The following PABPC4L variants were observed in gnomAD, a reference collection of about 807,000 sequenced individuals.
PABPC4L encodes the protein poly(A) binding protein cytoplasmic 4 like.
For missense variants in PABPC4L, 452 were observed against 451.4 expected (o/e 1.00, Z -0.01); for synonymous variants, 169 against 164.1 (o/e 1.03, Z -0.23).
the PABPC4L span, among the ~76,000 whole-genome samples, chr4:133,992,547 G>A: frequency 6.6e-6 from 1 of 152,056 alleles, no homozygotes; most frequent in Non-Finnish European, 1.5e-5. Flanking sequence ...TCATTAATGA[G>A]GGACCCCATT....
the PABPC4L span, among the ~76,000 whole-genome samples, chr4:134,183,999 C>A: frequency 6.6e-6 from 1 of 151,558 alleles, no homozygotes; most frequent in Non-Finnish European, 1.5e-5. Context: ...TTCATCATAT[C>A]TATGGATATT....
chr4:134,045,071 G>T, the PABPC4L span, among the ~76,000 whole-genome samples: 1 of 152,042 alleles, frequency 6.6e-6, no homozygotes, highest in Non-Finnish European at 1.5e-5. Flanking sequence ...TTGATCGCAA[G>T]AGGAAATTAA....
At chr4:134,070,423 G>T in the PABPC4L span, among the ~76,000 whole-genome samples, 2 of 152,092 alleles carry the variant, frequency 1.3e-5, no homozygotes, top group Non-Finnish European at 2.9e-5. Flanking sequence ...GAACTGGCCT[G>T]TGCAAGGCTG....
At chr4:134,152,649 A>G in the PABPC4L span, among the ~76,000 whole-genome samples, 1 of 152,050 alleles carries the variant, frequency 6.6e-6, no homozygotes, top group Non-Finnish European at 1.5e-5. Flanking sequence ...ACCTCTCCCC[A>G]TTGCCCAGTT....
the PABPC4L span, among the ~76,000 whole-genome samples, chr4:134,062,455 A>G: frequency 6.6e-6 from 1 of 152,034 alleles, no homozygotes; most frequent in Non-Finnish European, 1.5e-5. Context: ...AAGAAAGGCA[A>G]GTCTCTTATT....
chr4:133,994,418 A>G, the PABPC4L span, among the ~76,000 whole-genome samples: 1 of 152,160 alleles, frequency 6.6e-6, no homozygotes, highest in African/African-American at 2.4e-5. Context: ...CTGTCCCCAA[A>G]TATTAATGGG....
At chr4:134,052,168 A>G in the PABPC4L span, among the ~76,000 whole-genome samples, 3 of 152,090 alleles carry the variant, frequency 2.0e-5, no homozygotes, top group African/African-American at 7.2e-5. Flanking sequence ...CTTATGGGAT[A>G]CATCACCTCC....
chr4:134,104,802 C>T, the PABPC4L span, among the ~76,000 whole-genome samples: 1 of 151,650 alleles, frequency 6.6e-6, no homozygotes, highest in Admixed American at 6.6e-5. Context: ...TCAAATAAGT[C>T]AACATCTATG....
chr4:134,015,647 G>C, the PABPC4L span, among the ~76,000 whole-genome samples: 1 of 152,066 alleles, frequency 6.6e-6, no homozygotes, highest in Non-Finnish European at 1.5e-5. Context: ...GAGCGTGTCT[G>C]ACTAATCTCC....
the PABPC4L span, among the ~76,000 whole-genome samples, chr4:134,122,542 A>C: frequency 6.6e-6 from 1 of 152,020 alleles, no homozygotes; most frequent in South Asian, 2.1e-4. Flanking sequence ...GATCAAAAGA[A>C]GTAAGCATTT....
chr4:133,967,390 CAT>C, the PABPC4L span, among the ~76,000 whole-genome samples: 1 of 152,024 alleles, frequency 6.6e-6, no homozygotes, highest in East Asian at 1.9e-4. Flanking sequence ...AACAGATAAA[CAT>C]ATGAGTATGG....
the PABPC4L span, among the ~76,000 whole-genome samples, chr4:133,991,988 T>C: frequency 1.2e-3 from 184 of 152,302 alleles, 2 homozygotes; most frequent in African/African-American, 4.1e-3. Context: ...GGTCATAGTA[T>C]AGTTGTTACT....
the PABPC4L span, among the ~76,000 whole-genome samples, chr4:134,078,976 T>A: frequency 7.0e-6 from 1 of 142,526 alleles, no homozygotes; most frequent in Non-Finnish European, 1.5e-5. Context: ...GCTTTTTTTT[T>A]TTTTTTTTTT....
At chr4:133,968,521 C>A in the PABPC4L span, among the ~76,000 whole-genome samples, 1 of 152,010 alleles carries the variant, frequency 6.6e-6, no homozygotes, top group Non-Finnish European at 1.5e-5. Flanking sequence ...CCATCAATAG[C>A]GACAGGATTG....
At chr4:134,019,031 G>A in the PABPC4L span, among the ~76,000 whole-genome samples, 2 of 152,034 alleles carry the variant, frequency 1.3e-5, no homozygotes, top group Non-Finnish European at 2.9e-5. Flanking sequence ...ACTTGGGTTG[G>A]AAATGACTTA....
the PABPC4L span, among the ~76,000 whole-genome samples, chr4:134,187,481 G>T: frequency 7.1e-6 from 1 of 140,734 alleles, no homozygotes; most frequent in Non-Finnish European, 1.5e-5. Context: ...CTCATAGGTG[G>T]GAACTGAGCA....
the PABPC4L span, among the ~76,000 whole-genome samples, chr4:134,180,087 A>G: frequency 6.6e-6 from 1 of 151,808 alleles, no homozygotes; most frequent in East Asian, 2.0e-4. Context: ...AAAACAGAAT[A>G]TACACTATTA....
the PABPC4L span, among the ~76,000 whole-genome samples, chr4:133,996,736 AG>A: frequency 6.6e-6 from 1 of 152,150 alleles, no homozygotes; most frequent in Non-Finnish European, 1.5e-5. Context: ...CAGCCCAGGT[AG>A]GGGACCGCAC....
chr4:134,112,610 C>CTATA, the PABPC4L span, among the ~76,000 whole-genome samples: 2 of 139,626 alleles, frequency 1.4e-5, no homozygotes, highest in Non-Finnish European at 1.6e-5. Context: ...ATCTATCTAT[C>CTATA]TATCTATATA....
Sources: allele counts gnomAD v4.1 joint callset (sites outside exome capture counted in the v4.1 genomes callset), GRCh38; gene constraint gnomAD v4.1.1; transcripts MANE v1.5; gene names NCBI Gene and HGNC (gene_info 2026-07-23, HGNC 2026-07-21).